The following TGS1 variants were observed in gnomAD, a reference collection of about 807,000 sequenced individuals.
TGS1 encodes the protein trimethylguanosine synthase 1.
A neutral mutation model predicts 92.2 loss-of-function variants in TGS1; 69 were observed. That is an observed-to-expected ratio of 0.75 (90% CI 0.62 to 0.91). TGS1 has a LOEUF of 0.91. TGS1 is among the 40% of genes least tolerant of loss of function. The pLI, the probability that TGS1 is intolerant of heterozygous loss-of-function variation, is 0.00. For missense variants in TGS1, 1,062 were observed against 1,001.2 expected (o/e 1.06, Z -0.82); for synonymous variants, 345 against 338.1 (o/e 1.02, Z -0.22).
chr8:55,807,786 C>T (rs912664001), intron 10 of TGS1, among the ~76,000 whole-genome samples: 1 of 152,028 alleles, frequency 6.6e-6, no homozygotes, highest in Non-Finnish European at 1.5e-5. Context: ...CCCTTGGCCT[C>T]TAAAAGTGCT....
chr8:55,819,431 G>A (rs1313701526), intron 12 of TGS1, among the ~76,000 whole-genome samples: 1 of 151,586 alleles, frequency 6.6e-6, no homozygotes, highest in Non-Finnish European at 1.5e-5. Flanking sequence ...CAAGTAGCTG[G>A]GATTACAGGC....
At chr8:55,816,968 G>A (rs1366050688) in intron 12 of TGS1, among the ~76,000 whole-genome samples, 2 of 151,840 alleles carry the variant, frequency 1.3e-5, no homozygotes, top group East Asian at 1.9e-4. Context: ...GGGTTCAAGC[G>A]ATTCTCCTGC....
At chr8:55,780,085 A>G (rs1811520870) in intron 1 of TGS1, among the ~76,000 whole-genome samples, 1 of 150,714 alleles carries the variant, frequency 6.6e-6, no homozygotes, top group Admixed American at 6.6e-5. Context: ...TCAAATTCCT[A>G]GCCTCAAGTG....
At chr8:55,784,436 C>T (rs939084680) in intron 2 of TGS1, among the ~76,000 whole-genome samples, 3 of 152,078 alleles carry the variant, frequency 2.0e-5, no homozygotes, top group Non-Finnish European at 4.4e-5. Flanking sequence ...CTCACCTCAG[C>T]CTCCCAAGTA....
chr8:55,797,292 CAT>C (rs1812085406), intron 7 of TGS1, among the ~76,000 whole-genome samples: 1 of 152,118 alleles, frequency 6.6e-6, no homozygotes, highest in Admixed American at 6.6e-5. Flanking sequence ...CATCAGATCT[CAT>C]AAGAACTAAC....
Position 55,810,116 on chromosome 8 carries a change from A to G in TGS1, c.2144-765A>G, listed in dbSNP as rs145912314. ...GGAAACTAGCATTTTCTGGAAAACA[A>G]TTTCCATGACAACCACGCCGTAAGC... is the stretch of plus-strand genomic sequence containing the variant. On this transcript the variant is annotated intron_variant, in intron 10 of 12. Transcript: ENST00000260129. Among the ~76,000 whole-genome samples, 26 of 152,352 alleles carry G rather than the reference A, an allele frequency of 1.7e-4. No individual in the cohort carries two copies. The East Asian group carries it at 3.5e-3, about 20-fold the overall frequency.
intron 5 of TGS1, 54 bp from the exon 6 acceptor site, chr8:55,792,644 A>T (rs1811918776): frequency 1.6e-6 from 2 of 1,245,724 alleles, no homozygotes; most frequent in South Asian, 2.4e-5. Flanking sequence ...ATTTATCTGA[A>T]CTAGTGGGCT....
At chr8:55,796,839 AAATT>A (rs1364384708) in intron 7 of TGS1, among the ~76,000 whole-genome samples, 4 of 151,480 alleles carry the variant, frequency 2.6e-5, no homozygotes, top group Admixed American at 6.6e-5. Context: ...AAAAATATAA[AAATT>A]AGCCAGGCAT....
intron 7 of TGS1, among the ~76,000 whole-genome samples, chr8:55,798,129 A>C (rs908107937): frequency 2.0e-5 from 3 of 152,232 alleles, no homozygotes; most frequent in Admixed American, 2.0e-4. Flanking sequence ...GAAAAAAGAT[A>C]TGTAACTGTT....
intron 6 of TGS1, among the ~76,000 whole-genome samples, chr8:55,795,348 C>G (rs1456719740): frequency 6.6e-6 from 1 of 151,968 alleles, no homozygotes; most frequent in Non-Finnish European, 1.5e-5. Flanking sequence ...ATATTTAAAC[C>G]CAGACTATTC....
At chr8:55,805,919 A>T (rs1021031415) in intron 10 of TGS1, among the ~76,000 whole-genome samples, 5 of 149,564 alleles carry the variant, frequency 3.3e-5, no homozygotes, top group Non-Finnish European at 5.9e-5. Flanking sequence ...AAAATTAGCC[A>T]GGCGTGGTGG....
chr8:55,774,320 C>A (rs116537684), intron 1 of TGS1, among the ~76,000 whole-genome samples: 7 of 152,064 alleles, frequency 4.6e-5, no homozygotes, highest in Non-Finnish European at 8.8e-5. Context: ...ATATTAAATG[C>A]GTGAGTTAAA....
At chr8:55,790,872 G>A (rs1169401450) in intron 5 of TGS1, among the ~76,000 whole-genome samples, 1 of 151,972 alleles carries the variant, frequency 6.6e-6, no homozygotes, top group African/African-American at 2.4e-5. Flanking sequence ...CCTTTTTTGT[G>A]ATTATTGGGT....
At chr8:55,806,285 G>A (rs1319604382) in intron 10 of TGS1, among the ~76,000 whole-genome samples, 6 of 149,978 alleles carry the variant, frequency 4.0e-5, no homozygotes, top group Non-Finnish European at 8.9e-5. Flanking sequence ...GAACCCGGGA[G>A]GTGGAGGTTG....
intron 10 of TGS1, among the ~76,000 whole-genome samples, chr8:55,808,731 A>G (rs997444581): frequency 6.6e-5 from 10 of 151,720 alleles, no homozygotes; most frequent in Non-Finnish European, 1.3e-4. Flanking sequence ...GTGGTCTCGA[A>G]CTCCTGACCT....
chr8:55,818,335 C>A (rs1803540365), intron 12 of TGS1, among the ~76,000 whole-genome samples: 1 of 152,170 alleles, frequency 6.6e-6, no homozygotes, highest in Admixed American at 6.5e-5. Flanking sequence ...CCACACCCAG[C>A]TAATATTTAT....
At position 55,786,929 on chromosome 8, in the gene TGS1, G is replaced by T. The variant is rs1401197676; in HGVS notation, c.1031G>T (p.Gly344Val). Residue 344 changes from glycine to valine, a missense_variant, in exon 4 of 13, where the codon GGT becomes GTT. By Grantham distance (109) the Gly-to-Val change is moderately radical. Transcript: ENST00000260129. The part of the protein sequence containing the change: ...SQLDSCTSHD[G>V]HQQLSEVSSK... ...TTAGATTCCTGTACAAGTCATGATG[G>T]TCATCAACAGCTAAGTGAAGTTAGT... The T allele has an allele frequency of 6.2e-7, 1 of 1,614,116 alleles. No individual in the cohort carries two copies. The highest frequency in any genetic ancestry group is 8.5e-7 in the Non-Finnish European group (1 of 1,180,010).
intron 1 of TGS1, among the ~76,000 whole-genome samples, chr8:55,777,939 C>T (rs762172031): frequency 1.1e-4 from 16 of 151,912 alleles, no homozygotes; most frequent in Admixed American, 9.8e-4. Flanking sequence ...CTAGCAGCCC[C>T]CTGAGGTATG....
chr8:55,824,389 GA>G (rs1484723981), intron 12 of TGS1, among the ~76,000 whole-genome samples, 191 bp from the exon 13 acceptor site: 1 of 152,206 alleles, frequency 6.6e-6, no homozygotes, highest in African/African-American at 2.4e-5. Flanking sequence ...AAAAGGATCT[GA>G]AACAACAAGT....
Sources: gnomAD v4.1 joint callset for allele counts (sites outside exome capture counted in the v4.1 genomes callset) on GRCh38, gnomAD v4.1.1 for gene constraint, MANE v1.5 for transcripts, NCBI Gene and HGNC (gene_info 2026-07-23, HGNC 2026-07-21) for gene names.